The following PHF5A variants were observed in gnomAD, a reference collection of about 807,000 sequenced individuals.
PHF5A encodes PHD finger-like domain-containing protein 5A.
For synonymous variants in PHF5A, 52 were observed against 46.0 expected, an observed-to-expected ratio of 1.13 and a Z score of -0.52; for missense variants, 24 against 140.6, an observed-to-expected ratio of 0.17 and a Z score of 4.19.
At chr22:41,466,237 T>G (rs1011609375) in intron 3 of PHF5A, among the ~76,000 whole-genome samples, 6 of 152,124 alleles carry the variant, frequency 3.9e-5, no homozygotes, top group Non-Finnish European at 8.8e-5. Context: ...CTGCTGCCAA[T>G]ACTAACCGAA....
chr22:41,461,842 T>C (rs968488734), intron 3 of PHF5A, among the ~76,000 whole-genome samples: 3 of 152,072 alleles, frequency 2.0e-5, no homozygotes, highest in Non-Finnish European at 2.9e-5. Context: ...TTTGTATTTT[T>C]AGTAAAGATG....
chr22:41,466,580 G>A (rs2037867646), intron 3 of PHF5A, among the ~76,000 whole-genome samples: 1 of 152,142 alleles, frequency 6.6e-6, no homozygotes, highest in African/African-American at 2.4e-5. Flanking sequence ...CTGGAGTGCA[G>A]TGGCGTGAAA....
At chr22:41,468,184 T>C (rs760082051) in intron 1 of PHF5A, 37 bp from the exon 2 acceptor site, 2 of 1,611,896 alleles carry the variant, frequency 1.2e-6, no homozygotes, top group Non-Finnish European at 8.5e-7. Context: ...ACAATTAGAA[T>C]AAAGGTTTTG....
At chr22:41,467,276 A>AT (rs2037874468) in intron 3 of PHF5A, among the ~76,000 whole-genome samples, 172 bp downstream of exon 3, 1 of 152,144 alleles carries the variant, frequency 6.6e-6, no homozygotes, top group African/African-American at 2.4e-5. Flanking sequence ...TTGATGCAAA[A>AT]TAACTGCCTT....
intron 1 of PHF5A, 187 bp downstream of exon 1, chr22:41,468,415 C>G: frequency 3.0e-6 from 2 of 675,136 alleles, no homozygotes; most frequent in Non-Finnish European, 5.0e-6. Flanking sequence ...GGGCTCCCAG[C>G]ACGCGCACCC....
At position 41,460,198 on chromosome 22, in the gene PHF5A, G is replaced by C. The variant is rs762580395; in HGVS notation, c.*200C>G. The C allele has an allele frequency of 2.1e-6, 1 of 484,730 alleles. No individual in the cohort carries two copies. Among genetic ancestry groups the C allele is most frequent in the Non-Finnish European group, 3.7e-6 (1 of 268,998 alleles). 30.0% of individuals were successfully genotyped at this position (484,730 alleles called of 1,614,324 possible). On this transcript the variant is annotated 3_prime_UTR_variant, in exon 4 of 4. Coordinates refer to ENST00000216252, the MANE Select transcript of PHF5A (RefSeq NM_032758.4). Reference sequence around the variant, plus strand: ...AAGTTTTCTCCGATATGGTGTGCCAGAGTGCTCTGTGAAGAATCCTTTTCC... The same window carrying C: ...AAGTTTTCTCCGATATGGTGTGCCACAGTGCTCTGTGAAGAATCCTTTTCC...
At position 41,468,629 on chromosome 22, in the gene PHF5A, T is replaced by C. The variant is rs1273061856; in HGVS notation, c.25A>G (p.Ile9Val). Residue 9 changes from isoleucine to valine, a missense_variant, in exon 1 of 4, where the codon ATC (isoleucine) becomes GTC (valine). By Grantham distance (29) the Ile-to-Val change is conservative (BLOSUM62 3). Transcript: ENST00000216252. ...ACACCAGCCTGCTTGCGGCAAAAGATCAAATCAGGATGATGTTTAGCCATA... is the reference window on the plus strand; with the variant it reads ...ACACCAGCCTGCTTGCGGCAAAAGACCAAATCAGGATGATGTTTAGCCATA... Reference protein sequence around the residue: MAKHHPDLIFCRKQAGVAI... With the variant: MAKHHPDLVFCRKQAGVAI... The C allele has an allele frequency of 6.2e-7, 1 of 1,613,914 alleles. No homozygotes were observed. The highest frequency in any genetic ancestry group is 8.5e-7 in the Non-Finnish European group (1 of 1,180,004).
At chr22:41,468,343 C>T (rs2037890438) in intron 1 of PHF5A, 196 bp from the exon 2 acceptor site, 1 of 655,286 alleles carries the variant, frequency 1.5e-6, no homozygotes, top group Middle Eastern at 3.4e-4. Flanking sequence ...TCCTCCAACG[C>T]CCTGGGCAAG....
Position 41,467,441 on chromosome 22 carries a change from C to T in PHF5A, c.243+7G>A. The T allele has an allele frequency of 6.2e-7, 1 of 1,613,374 alleles. No individual in the cohort carries two copies. The highest frequency in any genetic ancestry group is 8.5e-7 in the Non-Finnish European group (1 of 1,179,838). On this transcript the variant is annotated splice_region_variant and intron_variant, in intron 3 of 3. Transcript: ENST00000216252. Reference sequence around the variant, plus strand: ...AGGAAAGGTCAGATGGAAAGCTGTACACTTACGTCCTTCTCCTGGATGGTG... The same window carrying T: ...AGGAAAGGTCAGATGGAAAGCTGTATACTTACGTCCTTCTCCTGGATGGTG...
Position 41,468,664 on chromosome 22 carries a change from T to A in PHF5A, c.-11A>T, listed in dbSNP as rs761053565. 2 of 1,613,806 alleles carry A rather than the reference T, an allele frequency of 1.2e-6. No homozygotes were observed. Among genetic ancestry groups the A allele is most frequent in the East Asian group, 4.5e-5 (2 of 44,872 alleles). ...ATGATGTTTAGCCATAGCTCCTAAC[T>A]AAGCCGGCCACCGGAAGCTTCGGGA... On this transcript the variant is annotated 5_prime_UTR_variant, in exon 1 of 4. Coordinates refer to ENST00000216252, the MANE Select transcript of PHF5A (RefSeq NM_032758.4).
At chr22:41,461,384 T>C (rs1387358421) in intron 3 of PHF5A, among the ~76,000 whole-genome samples, 1 of 138,944 alleles carries the variant, frequency 7.2e-6, no homozygotes, top group Non-Finnish European at 1.6e-5. Flanking sequence ...TGAGGTAGAC[T>C]ATGAAACTCT....
chr22:41,466,471 G>A (rs1679158715), intron 3 of PHF5A, among the ~76,000 whole-genome samples: 3 of 152,146 alleles, frequency 2.0e-5, no homozygotes, highest in South Asian at 4.1e-4. Context: ...ACTTTGTCAC[G>A]ATATACACCC....
At position 41,459,948 on chromosome 22, in the gene PHF5A, G is replaced by A. The variant is rs1345954894; in HGVS notation, c.*450C>T. The A allele has an allele frequency of 1.7e-5, 2 of 120,050 alleles. No individual in the cohort carries two copies. Among genetic ancestry groups the A allele is most frequent in the East Asian group, 5.1e-4 (2 of 3,924 alleles). The allele number at this position is 120,050 out of a possible 1,614,324, so 7.4% of individuals were successfully genotyped here. A position where few individuals can be genotyped will look rare whatever the true frequency, so the allele number is the denominator to read the frequency against. ...AAAACGGGAAATGCCTACATTTCTTGTTCTGATAGCTTCCCACCACACACC... is the reference window on the plus strand; with the variant it reads ...AAAACGGGAAATGCCTACATTTCTTATTCTGATAGCTTCCCACCACACACC... On this transcript the variant is annotated 3_prime_UTR_variant, in exon 4 of 4. Transcript: ENST00000216252.
intron 2 of PHF5A, 66 bp from the exon 3 acceptor site, chr22:41,467,680 G>A (rs2037879707): frequency 1.1e-5 from 9 of 835,980 alleles, no homozygotes; most frequent in African/African-American, 3.7e-5. Flanking sequence ...CTGCCATGGG[G>A]AAATATACTA....
At chr22:41,463,909 T>C (rs756295087) in intron 3 of PHF5A, among the ~76,000 whole-genome samples, 1 of 149,286 alleles carries the variant, frequency 6.7e-6, no homozygotes. Context: ...AAAAAAAGAG[T>C]CAGACCACCT....
intron 3 of PHF5A, among the ~76,000 whole-genome samples, chr22:41,465,203 G>A (rs899713254): frequency 6.6e-6 from 1 of 151,666 alleles, no homozygotes; most frequent in Non-Finnish European, 1.5e-5. Flanking sequence ...AAGGAATTTC[G>A]CTCTTGTTGC....
chr22:41,467,167 G>C (rs1304204981), intron 3 of PHF5A, among the ~76,000 whole-genome samples: 1 of 152,030 alleles, frequency 6.6e-6, no homozygotes. Flanking sequence ...CGCCCAGCCG[G>C]ATGTCATTTC....
intron 3 of PHF5A, among the ~76,000 whole-genome samples, chr22:41,462,727 T>G (rs890138021): frequency 6.6e-6 from 1 of 152,136 alleles, no homozygotes; most frequent in Non-Finnish European, 1.5e-5. Flanking sequence ...GGACTTATAT[T>G]ACTCCTCAGC....
chr22:41,465,827 C>G (rs2037862219), intron 3 of PHF5A, among the ~76,000 whole-genome samples: 1 of 152,066 alleles, frequency 6.6e-6, no homozygotes, highest in Non-Finnish European at 1.5e-5. Flanking sequence ...CTGTGGTGAG[C>G]CGAGATGGCG....
Sources: gnomAD v4.1 joint callset for allele counts (sites outside exome capture counted in the v4.1 genomes callset) on GRCh38, gnomAD v4.1.1 for gene constraint, MANE v1.5 for transcripts, NCBI Gene and HGNC (gene_info 2026-07-23, HGNC 2026-07-21) for gene names.